Variants in RAPGEF4 observed in about 807,000 individuals in gnomAD.
RAPGEF4 encodes RAP guanine-nucleotide-exchange factor (GEF) 4.
In RAPGEF4, 66 loss-of-function variants were observed where a neutral mutation model predicts 147.9. That is an observed-to-expected ratio of 0.45 (90% CI 0.37 to 0.55). The LOEUF (loss-of-function observed/expected upper bound fraction) is 0.55. RAPGEF4 is among the 20% of genes least tolerant of loss of function. RAPGEF4 has a pLI of 0.00. For synonymous variants in RAPGEF4, 419 were observed against 442.7 expected (o/e 0.95, Z 0.67); for missense variants, 1,071 against 1,257.3 (o/e 0.85, Z 2.24).
intron 10 of RAPGEF4, among the ~76,000 whole-genome samples, chr2:172,978,205 C>A (rs61595530): frequency 0.16 from 24,336 of 151,970 alleles, 2,441 homozygotes; most frequent in East Asian, 0.55. Context: ...CACACCCCCC[C>A]CAGAGCTTCC....
chr2:172,883,639 AAATACCTGGTG>A (rs1696860989), intron 4 of RAPGEF4, among the ~76,000 whole-genome samples: 1 of 152,176 alleles, frequency 6.6e-6, no homozygotes, highest in African/African-American at 2.4e-5. Flanking sequence ...TCTGCTAGGT[AAATACCTGGTG>A]AAGTTTTACC....
At chr2:172,923,376 C>G (rs761051589) in intron 6 of RAPGEF4, among the ~76,000 whole-genome samples, 11 of 152,160 alleles carry the variant, frequency 7.2e-5, no homozygotes, top group Non-Finnish European at 1.6e-4. Context: ...TCAAGTGATT[C>G]TCCTGCCTCA....
chr2:172,855,959 C>G (rs954333254), intron 4 of RAPGEF4, among the ~76,000 whole-genome samples: 1 of 151,870 alleles, frequency 6.6e-6, no homozygotes, highest in Non-Finnish European at 1.5e-5. Context: ...TTTTATTAAT[C>G]TGGTTTGGGG....
chr2:173,016,419 A>G lies in RAPGEF4; in HGVS notation c.1880A>G (p.Glu627Gly). The change falls in exon 19 of 31, where the codon GAG becomes GGG. Residue 627 changes from glutamate to glycine, a missense_variant. Glu to Gly is a moderately conservative substitution (Grantham distance 98). Coordinates refer to ENST00000397081, the MANE Select transcript of RAPGEF4 (RefSeq NM_007023.4). ...AALKEQLPEL[E>G]KIVKQISEDA... is the part of the protein sequence containing the mutation. ...CTCAAGGAGCAACTGCCAGAGTTGG[A>G]GAAGATTGTCAAGCAAATGTAAGGA... 1 of 1,611,866 alleles carries G rather than the reference A, an allele frequency of 6.2e-7. No individual in the cohort carries two copies.
intron 4 of RAPGEF4, chr2:172,889,686 G>C (rs1697678942): frequency 1.1e-5 from 2 of 180,196 alleles, no homozygotes; most frequent in Non-Finnish European, 2.1e-5. Flanking sequence ...TGAGAATACA[G>C]ACACACACAC....
At chr2:172,972,970 A>G (rs1690653999) in intron 10 of RAPGEF4, among the ~76,000 whole-genome samples, 1 of 152,198 alleles carries the variant, frequency 6.6e-6, no homozygotes, top group East Asian at 1.9e-4. Context: ...TTAATAACAT[A>G]TCACAGCATT....
intron 4 of RAPGEF4, among the ~76,000 whole-genome samples, chr2:172,912,857 G>C (rs977150765): frequency 6.7e-6 from 1 of 150,076 alleles, no homozygotes; most frequent in African/African-American, 2.5e-5. Flanking sequence ...GGGTGAGTGT[G>C]AGTGTCTTCC....
chr2:172,832,588 T>C (rs1374551064), intron 4 of RAPGEF4, among the ~76,000 whole-genome samples: 2 of 152,256 alleles, frequency 1.3e-5, no homozygotes, highest in African/African-American at 4.8e-5. Context: ...TATAAGACCA[T>C]TTAACTTACA....
intron 4 of RAPGEF4, among the ~76,000 whole-genome samples, chr2:172,905,737 G>A (rs945963495): frequency 6.6e-6 from 1 of 152,210 alleles, no homozygotes; most frequent in Non-Finnish European, 1.5e-5. Flanking sequence ...ATTAAAAATG[G>A]TCATAAATTG....
intron 5 of RAPGEF4, among the ~76,000 whole-genome samples, chr2:172,921,363 C>T (rs1412603204): frequency 6.6e-6 from 1 of 152,166 alleles, no homozygotes; most frequent in Non-Finnish European, 1.5e-5. Flanking sequence ...TCTGGGACTA[C>T]AGGTGTGAGC....
At chr2:172,769,469 G>C (rs1697157213) in intron 1 of RAPGEF4, among the ~76,000 whole-genome samples, 1 of 152,064 alleles carries the variant, frequency 6.6e-6, no homozygotes, top group Non-Finnish European at 1.5e-5. Context: ...TTCCTTCCTG[G>C]GGTATGCATC....
intron 26 of RAPGEF4, among the ~76,000 whole-genome samples, chr2:173,030,750 C>T (rs546009734): frequency 3.3e-5 from 5 of 152,304 alleles, no homozygotes; most frequent in African/African-American, 1.2e-4. Flanking sequence ...CGCCTCACCA[C>T]CTGGCAGACT....
intron 1 of RAPGEF4, among the ~76,000 whole-genome samples, chr2:172,778,462 T>C (rs979840488): frequency 2.0e-5 from 3 of 152,186 alleles, no homozygotes; most frequent in African/African-American, 4.8e-5. Flanking sequence ...CCCATTTAAA[T>C]ATACTTATAT....
intron 15 of RAPGEF4, among the ~76,000 whole-genome samples, chr2:172,995,559 C>T (rs1471732781): frequency 1.3e-5 from 2 of 152,098 alleles, no homozygotes; most frequent in African/African-American, 2.4e-5. Flanking sequence ...GGATTACAGA[C>T]GTGAGCCACT....
In RAPGEF4 at chr2:172,775,698, A is replaced by T. The variant is rs963273963; in HGVS notation, c.66-19327A>T. 3.3e-5 allele frequency among the ~76,000 whole-genome samples: 5 copies of T among 151,760 alleles called. No homozygotes were observed. In the East Asian group the frequency reaches 9.6e-4, roughly 29 times the overall value. On this transcript the variant is annotated intron_variant, in intron 1 of 30. Coordinates refer to ENST00000397081, the MANE Select transcript of RAPGEF4 (RefSeq NM_007023.4). ...ATGAGGTATATTAGACTCAGTGGGTATGACAAAAGGTCAAACTTTTGTCTA... is the reference window on the plus strand; with the variant it reads ...ATGAGGTATATTAGACTCAGTGGGTTTGACAAAAGGTCAAACTTTTGTCTA...
At chr2:172,866,407 A>T (rs1466767521) in intron 4 of RAPGEF4, among the ~76,000 whole-genome samples, 1 of 152,046 alleles carries the variant, frequency 6.6e-6, no homozygotes, top group Non-Finnish European at 1.5e-5. Flanking sequence ...TTCTTGAAAT[A>T]TTATTTTCTT....
intron 3 of RAPGEF4, among the ~76,000 whole-genome samples, 192 bp downstream of exon 3, chr2:172,797,805 G>A (rs913721684): frequency 2.0e-5 from 3 of 152,116 alleles, no homozygotes; most frequent in African/African-American, 7.2e-5. Context: ...TCCCTGATTT[G>A]AGTATGGTGC....
intron 17 of RAPGEF4, among the ~76,000 whole-genome samples, chr2:173,011,635 G>A (rs1197732938): frequency 6.6e-6 from 1 of 151,800 alleles, no homozygotes; most frequent in Non-Finnish European, 1.5e-5. Context: ...TAATATTTCA[G>A]ATGAATAGGA....
intron 4 of RAPGEF4, among the ~76,000 whole-genome samples, chr2:172,832,408 G>A (rs1690462246): frequency 6.6e-6 from 1 of 152,028 alleles, no homozygotes; most frequent in African/African-American, 2.4e-5. Flanking sequence ...TAAAAATATG[G>A]GATCTCTTGT....
Sources: allele counts gnomAD v4.1 joint callset (sites outside exome capture counted in the v4.1 genomes callset), GRCh38; gene constraint gnomAD v4.1.1; transcripts MANE v1.5; gene names NCBI Gene and HGNC (gene_info 2026-07-23, HGNC 2026-07-21).